The following NRG1 variants were observed in gnomAD, a reference collection of about 807,000 sequenced individuals.
The protein encoded by NRG1 is neuregulin 1, also known as pro-neuregulin-1, membrane-bound isoform.
Under a neutral mutation model 63.8 loss-of-function variants are expected in NRG1, and 18 were observed. That is an observed-to-expected ratio of 0.28 (90% confidence interval 0.19 to 0.42). NRG1 has a LOEUF of 0.42. Among genes scored for constraint, NRG1 ranks in the 10% least tolerant of loss-of-function variants. The pLI is 1.00. For missense variants in NRG1, 762 were observed against 814.7 expected (o/e 0.94, Z 0.79); for synonymous variants, 302 against 301.3 (o/e 1.00, Z -0.02).
At chr8:31,713,190 C>A (rs967120105) in intron 1 of NRG1, among the ~76,000 whole-genome samples, 1 of 144,226 alleles carries the variant, frequency 6.9e-6, no homozygotes, top group South Asian at 2.3e-4. Flanking sequence ...GATCTCCACT[C>A]ACTGCAGGCT....
intron 5 of NRG1, chr8:32,721,757 A>T (rs1820703566): frequency 7.1e-6 from 8 of 1,125,956 alleles, no homozygotes; most frequent in Non-Finnish European, 9.1e-6. Context: ...CCTGGCTCTG[A>T]ACCTTTCCTT....
intron 1 of NRG1, among the ~76,000 whole-genome samples, chr8:31,802,152 A>T (rs940998767): frequency 2.6e-5 from 4 of 152,232 alleles, no homozygotes; most frequent in African/African-American, 9.6e-5. Context: ...TCAAATGTGT[A>T]GTATACTCTT....
chr8:32,364,960 T>A (rs1169691462), intron 1 of NRG1, among the ~76,000 whole-genome samples: 1 of 140,694 alleles, frequency 7.1e-6, no homozygotes, highest in Non-Finnish European at 1.5e-5. Flanking sequence ...TTTACTACTT[T>A]TTTTTTTTTT....
At chr8:32,734,660 A>G (rs1051025544) in intron 6 of NRG1, among the ~76,000 whole-genome samples, 1 of 152,214 alleles carries the variant, frequency 6.6e-6, no homozygotes, top group Non-Finnish European at 1.5e-5. Context: ...ATGTCCTCAT[A>G]TATCTAGAAT....
chr8:31,943,248 T>C (rs767499141), intron 1 of NRG1, among the ~76,000 whole-genome samples: 1 of 152,148 alleles, frequency 6.6e-6, no homozygotes, highest in South Asian at 2.1e-4. Flanking sequence ...CTGGATGGAA[T>C]TGGAGATTAT....
chr8:32,030,671 C>T (rs1176142431), intron 1 of NRG1, among the ~76,000 whole-genome samples: 1 of 152,108 alleles, frequency 6.6e-6, no homozygotes, highest in Non-Finnish European at 1.5e-5. Context: ...TGTCCCTTTG[C>T]CTCTGCTTAA....
At chr8:32,758,073 AT>A (rs778655050) in intron 9 of NRG1, among the ~76,000 whole-genome samples, 17 of 152,158 alleles carry the variant, frequency 1.1e-4, no homozygotes, top group Non-Finnish European at 2.1e-4. Context: ...CAAGCTGTAT[AT>A]TTTTGGATCT....
At chr8:32,578,522 A>C (rs1588446867) in intron 1 of NRG1, among the ~76,000 whole-genome samples, 1 of 151,764 alleles carries the variant, frequency 6.6e-6, no homozygotes, top group Admixed American at 6.6e-5. Flanking sequence ...TTGAATTCTC[A>C]GAGGTACTGT....
intron 1 of NRG1, chr8:31,639,879 G>T (rs1008961880): frequency 1.5e-5 from 16 of 1,093,512 alleles, no homozygotes; most frequent in Middle Eastern, 2.6e-4. Flanking sequence ...GAGGGCAAGG[G>T]GGGAGGAGGA....
At chr8:32,166,132 T>A (rs2131960649) in intron 1 of NRG1, among the ~76,000 whole-genome samples, 1 of 152,294 alleles carries the variant, frequency 6.6e-6, no homozygotes, top group African/African-American at 2.4e-5. Flanking sequence ...AGTAATGACT[T>A]ATGCTGGGAA....
At chr8:32,277,851 T>C (rs1160747899) in intron 1 of NRG1, among the ~76,000 whole-genome samples, 1 of 150,686 alleles carries the variant, frequency 6.6e-6, no homozygotes, top group Admixed American at 6.6e-5. Context: ...CACAAGGCCT[T>C]CAGCTACAGA....
chr8:31,740,913 G>T (rs149757864), intron 1 of NRG1, among the ~76,000 whole-genome samples: 181 of 152,112 alleles, frequency 1.2e-3, no homozygotes, highest in African/African-American at 4.0e-3. Flanking sequence ...AAAGATACAT[G>T]CACTTGCATG....
At chr8:32,677,095 T>C (rs968797204) in intron 5 of NRG1, among the ~76,000 whole-genome samples, 4 of 151,992 alleles carry the variant, frequency 2.6e-5, no homozygotes. Flanking sequence ...ACCTCAAGAG[T>C]ATAGAGAGAG....
At chr8:31,671,804 CAGT>C (rs1807174561) in intron 1 of NRG1, among the ~76,000 whole-genome samples, 2 of 151,898 alleles carry the variant, frequency 1.3e-5, no homozygotes, top group Non-Finnish European at 2.9e-5. Context: ...AAATCAATGT[CAGT>C]AGGAAAAAAG....
intron 1 of NRG1, among the ~76,000 whole-genome samples, chr8:31,806,757 C>T (rs1268961947): frequency 6.6e-6 from 1 of 151,820 alleles, no homozygotes; most frequent in East Asian, 1.9e-4. Context: ...TATTTGGTTT[C>T]AATAATCAAG....
At chr8:32,015,796 A>G (rs1170265955) in intron 1 of NRG1, among the ~76,000 whole-genome samples, 1 of 151,576 alleles carries the variant, frequency 6.6e-6, no homozygotes, top group African/African-American at 2.4e-5. Flanking sequence ...TCAAAAGCCT[A>G]ACGGAATCTG....
intron 1 of NRG1, among the ~76,000 whole-genome samples, chr8:32,110,255 G>C (rs1831832700): frequency 2.0e-5 from 3 of 152,018 alleles, no homozygotes. Flanking sequence ...AGAAATGCTT[G>C]AGGAACTTCA....
At chr8:32,176,609 G>A (rs139389953) in intron 1 of NRG1, among the ~76,000 whole-genome samples, 2,179 of 152,104 alleles carry the variant, frequency 0.014, 32 homozygotes, top group Non-Finnish European at 0.022. Context: ...AGAATCTACA[G>A]TGAACTCAAA....
intron 1 of NRG1, among the ~76,000 whole-genome samples, chr8:32,445,283 T>A (rs1255337990): frequency 6.6e-6 from 1 of 152,218 alleles, no homozygotes; most frequent in East Asian, 1.9e-4. Flanking sequence ...ACTGTATTTT[T>A]AAATGTACAT....
Sources: gnomAD v4.1 joint callset for allele counts (sites outside exome capture counted in the v4.1 genomes callset) on GRCh38, gnomAD v4.1.1 for gene constraint, MANE v1.5 for transcripts, NCBI Gene and HGNC (gene_info 2026-07-23, HGNC 2026-07-21) for gene names.